Variants in DOCK1 observed in about 807,000 individuals in gnomAD.
DOCK1 encodes dedicator of cytokinesis protein 1.
DOCK1 carries 138 observed loss-of-function variants against 262.7 expected under a neutral mutation model. The ratio of observed to expected loss-of-function variants is 0.53; its 90% CI spans 0.46 to 0.61. The LOEUF (loss-of-function observed/expected upper bound fraction) is 0.61, where lower values mean the gene tolerates loss of function less well. DOCK1 is among the 20% of genes least tolerant of loss of function. The pLI, the probability that DOCK1 is intolerant of heterozygous loss-of-function variation, is 0.00. For missense variants in DOCK1, 1,908 were observed against 2,370.7 expected, an observed-to-expected ratio of 0.80 and a Z score of 4.05; for synonymous variants, 866 against 867.4, an observed-to-expected ratio of 1.00 and a Z score of 0.03.
At chr10:127,026,238 T>G (rs936517117) in intron 15 of DOCK1, 114 bp from the exon 16 acceptor site, 3 of 1,035,272 alleles carry the variant, frequency 2.9e-6, no homozygotes, top group African/African-American at 1.6e-5. Flanking sequence ...TACAGTATTT[T>G]CACCACTGCA....
intron 46 of DOCK1, among the ~76,000 whole-genome samples, chr10:127,422,353 G>T (rs12358918): frequency 1.3e-5 from 2 of 151,642 alleles, no homozygotes; most frequent in Non-Finnish European, 1.5e-5. Flanking sequence ...TTTTGGTAGA[G>T]ATGGGGTTTC....
intron 23 of DOCK1, among the ~76,000 whole-genome samples, chr10:127,094,836 G>A (rs563729750): frequency 3.1e-4 from 47 of 152,202 alleles, no homozygotes; most frequent in Admixed American, 9.2e-4. Context: ...CCTGTCTGTC[G>A]ACTTCTGAAT....
intron 48 of DOCK1, among the ~76,000 whole-genome samples, chr10:127,434,148 TC>T (rs2069499653): frequency 6.6e-6 from 1 of 151,848 alleles, no homozygotes. Flanking sequence ...GGCCGGGCCT[TC>T]TTTTTTTTTT....
intron 40 of DOCK1, among the ~76,000 whole-genome samples, chr10:127,406,804 C>G (rs2067541953): frequency 6.6e-6 from 1 of 152,146 alleles, no homozygotes; most frequent in African/African-American, 2.4e-5. Context: ...CGTGTTTTTA[C>G]CTATAACTCA....
In DOCK1 at chr10:127,008,790, C is replaced by A. The variant is rs1412472477; in HGVS notation, c.1044C>A (p.Phe348Leu). ...GKVDDEDKQHFIPFQPLALDD... is the reference protein window; with the variant it reads ...GKVDDEDKQHLIPFQPLALDD... ...TAGATGATGAAGATAAGCAGCATTT[C>A]ATTCCCTTTCAGCCGTAAGTATGGA... The change falls in exon 11 of 52, where the codon TTC becomes TTA. Residue 348 changes from phenylalanine to leucine, a missense_variant. Transcript: ENST00000623213. The A allele has an allele frequency of 6.2e-7, 1 of 1,600,070 alleles. No individual in the cohort carries two copies. The highest frequency in any genetic ancestry group is 8.5e-7 in the Non-Finnish European group (1 of 1,172,558).
intron 27 of DOCK1, among the ~76,000 whole-genome samples, chr10:127,228,630 G>A (rs1358081486): frequency 6.6e-6 from 1 of 152,176 alleles, no homozygotes; most frequent in Non-Finnish European, 1.5e-5. Flanking sequence ...ACGAGGCTGT[G>A]CTTGCATGCT....
At chr10:126,940,336 T>C (rs917849590) in intron 1 of DOCK1, among the ~76,000 whole-genome samples, 2 of 152,360 alleles carry the variant, frequency 1.3e-5, no homozygotes, top group East Asian at 1.9e-4. Context: ...CTGTTTATTC[T>C]TTCAAACCAG....
intron 4 of DOCK1, 114 bp downstream of exon 4, chr10:126,982,087 C>T: frequency 8.8e-7 from 1 of 1,138,974 alleles, no homozygotes. Context: ...GTGATTGACT[C>T]CTGGGGGACA....
rs1229442232 is a variant in DOCK1 at position 126,998,235 on chromosome 10, G to A, written c.753G>A (p.Glu251=). 2.5e-6 allele frequency: 4 copies of A among 1,613,608 alleles called. No individual in the cohort carries two copies. The highest frequency in any genetic ancestry group is 1.1e-5 in the South Asian group (1 of 90,998). ...EVLMSLYDPV[E]SKFISENYLV... is the part of the protein sequence containing the mutation. ...TCATGTCTCTATATGACCCTGTGGA[G>A]TCCAAATTCATCAGGTGGGTGACAT... The change falls in exon 8 of 52, where the codon GAG becomes GAA. Residue 251 remains glutamate, a synonymous_variant. Coordinates refer to ENST00000623213, the MANE Select transcript of DOCK1 (RefSeq NM_001290223.2).
At chr10:127,123,823 C>T (rs553047492) in intron 25 of DOCK1, among the ~76,000 whole-genome samples, 1 of 152,322 alleles carries the variant, frequency 6.6e-6, no homozygotes, top group East Asian at 1.9e-4. Context: ...CCAGACACCA[C>T]AGCCTTCGAG....
At chr10:127,200,026 G>T (rs961487779) in intron 27 of DOCK1, among the ~76,000 whole-genome samples, 4 of 152,144 alleles carry the variant, frequency 2.6e-5, no homozygotes, top group African/African-American at 9.7e-5. Context: ...CCTTCTTTAG[G>T]AGACTGCCGA....
At chr10:126,964,532 A>G (rs2037515794) in intron 1 of DOCK1, among the ~76,000 whole-genome samples, 1 of 152,270 alleles carries the variant, frequency 6.6e-6, no homozygotes, top group Non-Finnish European at 1.5e-5. Flanking sequence ...GATGCATACC[A>G]TTGAAAAGCG....
At chr10:126,982,871 C>G (rs1473789411) in intron 4 of DOCK1, among the ~76,000 whole-genome samples, 4 of 152,158 alleles carry the variant, frequency 2.6e-5, no homozygotes, top group African/African-American at 9.7e-5. Flanking sequence ...GTGGAAGTAA[C>G]TGGATCAAGT....
intron 27 of DOCK1, among the ~76,000 whole-genome samples, chr10:127,201,154 TGCCCCAGTGGG>T (rs1400198696): frequency 6.6e-6 from 1 of 152,228 alleles, no homozygotes. Context: ...ATCCTCAAGG[TGCCCCAGTGGG>T]GCCTCCTTTT....
intron 51 of DOCK1, among the ~76,000 whole-genome samples, chr10:127,449,751 G>A (rs55798271): frequency 6.6e-6 from 1 of 151,996 alleles, no homozygotes. Context: ...ATGGGGGTGT[G>A]ATCAATATCC....
intron 1 of DOCK1, among the ~76,000 whole-genome samples, chr10:126,921,671 G>C (rs1225225975): frequency 6.6e-6 from 1 of 152,064 alleles, no homozygotes; most frequent in Non-Finnish European, 1.5e-5. Flanking sequence ...TTGTTTATTT[G>C]AGATGGAGTC....
intron 32 of DOCK1, among the ~76,000 whole-genome samples, chr10:127,356,146 C>T (rs1231122849): frequency 6.6e-6 from 1 of 152,210 alleles, no homozygotes; most frequent in Non-Finnish European, 1.5e-5. Context: ...TGGGTCTCAG[C>T]TGTCAAAGGG....
chr10:127,370,074 A>G (rs555069760), intron 33 of DOCK1, among the ~76,000 whole-genome samples: 64 of 152,208 alleles, frequency 4.2e-4, no homozygotes, highest in Admixed American at 2.0e-3. Context: ...CCCCCTGCAC[A>G]TGCTCAGGGG....
At chr10:127,181,036 C>G (rs538105043) in intron 27 of DOCK1, among the ~76,000 whole-genome samples, 21 of 152,184 alleles carry the variant, frequency 1.4e-4, no homozygotes, top group African/African-American at 5.1e-4. Flanking sequence ...CTCTGGAAGG[C>G]ATAACCACTA....
Sources: allele counts gnomAD v4.1 joint callset (sites outside exome capture counted in the v4.1 genomes callset), GRCh38; gene constraint gnomAD v4.1.1; transcripts MANE v1.5; gene names NCBI Gene and HGNC (gene_info 2026-07-23, HGNC 2026-07-21).